Variants in PIK3C2G observed in about 807,000 individuals in gnomAD.
The protein encoded by PIK3C2G is phosphatidylinositol-4-phosphate 3-kinase catalytic subunit type 2 gamma, also known as phosphatidylinositol 3-kinase C2 domain-containing subunit gamma.
PIK3C2G carries 168 observed loss-of-function variants against 181.1 expected under a neutral mutation model. That is an observed-to-expected ratio of 0.93 (90% CI 0.82 to 1.05). The LOEUF is 1.05. PIK3C2G is among the 50% of genes least tolerant of loss of function. The pLI, the probability that PIK3C2G is intolerant of heterozygous loss-of-function variation, is 0.00. For synonymous variants in PIK3C2G, 573 were observed against 592.2 expected, an observed-to-expected ratio of 0.97 and a Z score of 0.47; for missense variants, 1,869 against 1,732.8, an observed-to-expected ratio of 1.08 and a Z score of -1.40.
chr12:18,465,987 G>C (rs1000998862), intron 18 of PIK3C2G, among the ~76,000 whole-genome samples: 1 of 150,782 alleles, frequency 6.6e-6, no homozygotes, highest in Non-Finnish European at 1.5e-5. Context: ...CTAGATTCTA[G>C]ATAATTTTTT....
chr12:18,365,161 T>A (rs1941551265), intron 12 of PIK3C2G, among the ~76,000 whole-genome samples: 1 of 152,224 alleles, frequency 6.6e-6, no homozygotes, highest in Non-Finnish European at 1.5e-5. Flanking sequence ...TTAGACCCAC[T>A]GTGACTCCTA....
chr12:18,255,064 A>G (rs1399494753), intron 1 of PIK3C2G, among the ~76,000 whole-genome samples: 1 of 151,586 alleles, frequency 6.6e-6, no homozygotes, highest in African/African-American at 2.4e-5. Context: ...CCCCGTCTGT[A>G]CTAAAAGTAC....
At position 18,563,393 on chromosome 12, in the gene PIK3C2G, T is replaced by A; in HGVS notation, c.3797T>A (p.Val1266Glu). 1 of 1,612,444 alleles carries A rather than the reference T, an allele frequency of 6.2e-7. No individual in the cohort carries two copies. The highest frequency in any genetic ancestry group is 8.5e-7 in the Non-Finnish European group (1 of 1,179,078). The change falls in exon 28 of 33, where the codon GTG (valine) becomes GAG (glutamate). Residue 1266 changes from valine (V) to glutamate (E), a missense_variant. Val to Glu is a moderately radical substitution (Grantham distance 121, BLOSUM62 -2). Transcript: ENST00000538779. ...KKSSNLYLIQ[V>E]THSNNETSLT... ...TTTCTGCAGCTGTATCTGATCCAGG[T>A]GACACACAGCAACAACGAAACAAGC... is the stretch of plus-strand genomic sequence containing the variant.
intron 29 of PIK3C2G, among the ~76,000 whole-genome samples, chr12:18,573,445 T>C (rs936910860): frequency 6.6e-6 from 1 of 152,204 alleles, no homozygotes; most frequent in African/African-American, 2.4e-5. Flanking sequence ...TGGTCAAAAG[T>C]GCTGCTTAAC....
At chr12:18,708,182 C>T in the PIK3C2G span, among the ~76,000 whole-genome samples, 1 of 152,204 alleles carries the variant, frequency 6.6e-6, no homozygotes, top group East Asian at 1.9e-4. Context: ...TCCCTCCCCA[C>T]ACCTCGTTCC....
Position 18,439,087 on chromosome 12 carries a change from T to C in PIK3C2G, c.2504+15048T>C, listed in dbSNP as rs374095015. Among the ~76,000 whole-genome samples the C allele has an allele frequency of 3.3e-5, 5 of 152,060 alleles. No individual in the cohort carries two copies. The East Asian group carries it at 7.7e-4, about 24-fold the overall frequency. On this transcript the variant is annotated intron_variant, in intron 18 of 32. Coordinates refer to ENST00000538779, the MANE Select transcript of PIK3C2G (RefSeq NM_001288772.2). ...CCATTGCATTGCTCTTCTTGTCTTA[T>C]CCTAATTGCAAATTTAAAATTTAAG...
intron 30 of PIK3C2G, among the ~76,000 whole-genome samples, chr12:18,607,693 G>A (rs373987393): frequency 1.3e-5 from 2 of 151,938 alleles, no homozygotes; most frequent in Non-Finnish European, 2.9e-5. Flanking sequence ...GCCAAAATTG[G>A]CAAATGGGAT....
intron 26 of PIK3C2G, among the ~76,000 whole-genome samples, chr12:18,559,825 G>T (rs368085508): frequency 0.01 from 366 of 35,000 alleles, no homozygotes; most frequent in East Asian, 0.02. Flanking sequence ...TATATATAGA[G>T]AGAGAGAGAG....
chr12:18,493,158 C>T (rs1426792070), intron 20 of PIK3C2G: 1 of 152,288 alleles, frequency 6.6e-6, no homozygotes, highest in African/African-American at 2.4e-5. Context: ...GGAGAATCCA[C>T]ACTGGGGAGA....
chr12:18,406,989 G>T (rs142262329), intron 16 of PIK3C2G, among the ~76,000 whole-genome samples: 2 of 152,116 alleles, frequency 1.3e-5, no homozygotes, highest in Non-Finnish European at 1.5e-5. Flanking sequence ...AGACTTATCT[G>T]GTTCTACCAG....
At chr12:18,664,556 T>G in the PIK3C2G span, among the ~76,000 whole-genome samples, 1 of 152,248 alleles carries the variant, frequency 6.6e-6, no homozygotes, top group South Asian at 2.1e-4. Context: ...TATGAGATAC[T>G]TAAAGTGTTC....
chr12:18,678,290 G>A, the PIK3C2G span, among the ~76,000 whole-genome samples: 8 of 152,036 alleles, frequency 5.3e-5, no homozygotes, highest in Admixed American at 1.3e-4. Flanking sequence ...ACTGGTCAGC[G>A]TGCTCAAAAG....
intron 3 of PIK3C2G, among the ~76,000 whole-genome samples, chr12:18,290,285 T>C (rs1486298424): frequency 2.6e-5 from 4 of 152,220 alleles, no homozygotes; most frequent in Admixed American, 2.6e-4. Context: ...GACTCATTTA[T>C]GTGTAAGCAA....
chr12:18,273,870 C>T (rs527885124), intron 1 of PIK3C2G, among the ~76,000 whole-genome samples: 2 of 152,138 alleles, frequency 1.3e-5, no homozygotes, highest in Non-Finnish European at 2.9e-5. Flanking sequence ...AACAGGCAAC[C>T]TACAGAATGG....
intron 18 of PIK3C2G, among the ~76,000 whole-genome samples, chr12:18,483,965 C>T (rs548270923): frequency 1.3e-5 from 2 of 152,244 alleles, no homozygotes; most frequent in African/African-American, 2.4e-5. Flanking sequence ...AAAGGAACAG[C>T]CTCCTACTGG....
chr12:18,676,609 A>G, the PIK3C2G span, among the ~76,000 whole-genome samples: 1 of 152,108 alleles, frequency 6.6e-6, no homozygotes, highest in Non-Finnish European at 1.5e-5. Flanking sequence ...TCTGTTGTAG[A>G]CTACAAAGAA....
At chr12:18,313,838 ACG>A in intron 5 of PIK3C2G, 122 bp from the exon 6 acceptor site, 1 of 619,766 alleles carries the variant, frequency 1.6e-6, no homozygotes, top group Admixed American at 2.7e-5. Context: ...ACGCACACAC[ACG>A]CACACACTCA....
intron 1 of PIK3C2G, 49 bp downstream of exon 1, chr12:18,261,626 A>G (rs899974911): frequency 2.0e-5 from 3 of 152,148 alleles, no homozygotes; most frequent in Admixed American, 6.6e-5. Flanking sequence ...ACATAGCATG[A>G]TATTTCGACT....
intron 30 of PIK3C2G, among the ~76,000 whole-genome samples, chr12:18,608,557 T>C (rs182181220): frequency 0.052 from 3,993 of 77,386 alleles, 68 homozygotes; most frequent in Middle Eastern, 0.16. Context: ...GGGCCTGTTG[T>C]GGGGTGGGGG....
Sources: gnomAD v4.1 joint callset for allele counts (sites outside exome capture counted in the v4.1 genomes callset) on GRCh38, gnomAD v4.1.1 for gene constraint, MANE v1.5 for transcripts, NCBI Gene and HGNC (gene_info 2026-07-23, HGNC 2026-07-21) for gene names.